The following CNTNAP2 variants were observed in gnomAD, a reference collection of about 807,000 sequenced individuals.
CNTNAP2 encodes contactin associated protein 2, also known as contactin-associated protein-like 2.
Under a neutral mutation model 155.2 loss-of-function variants are expected in CNTNAP2, and 98 were observed. The observed-to-expected ratio is 0.63, with a 90% CI of 0.54 to 0.75. The LOEUF is 0.75. CNTNAP2 is among the 30% of genes least tolerant of loss of function. The probability of loss-of-function intolerance (pLI) is 0.00; values close to 1 mark genes in which losing one functional copy is unlikely to be tolerated. For synonymous variants in CNTNAP2, 651 were observed against 631.2 expected, an observed-to-expected ratio of 1.03 and a Z score of -0.47; for missense variants, 1,727 against 1,688.1, an observed-to-expected ratio of 1.02 and a Z score of -0.40.
At chr7:146,561,017 T>G (rs1314701852) in intron 1 of CNTNAP2, among the ~76,000 whole-genome samples, 1 of 152,174 alleles carries the variant, frequency 6.6e-6, no homozygotes, top group Non-Finnish European at 1.5e-5. Context: ...ACAACTCTAG[T>G]GTCAATTATA....
In CNTNAP2 at chr7:148,320,664, G is replaced by A. The variant is rs187374134; in HGVS notation, c.3475+53538G>A. Reference sequence around the variant, plus strand: ...CTTCCAAAGTGCTGGGATTACAGGCGTGAGCCACCACACCCAGCCAACAAA... The same window carrying A: ...CTTCCAAAGTGCTGGGATTACAGGCATGAGCCACCACACCCAGCCAACAAA... On this transcript the variant is annotated intron_variant, in intron 21 of 23. Coordinates refer to ENST00000361727, the MANE Select transcript of CNTNAP2 (RefSeq NM_014141.6). 1.9e-3 allele frequency among the ~76,000 whole-genome samples: 282 copies of A among 152,142 alleles called. 2 individuals carry two copies. Among genetic ancestry groups the A allele is most frequent in the Non-Finnish European group, 2.8e-3 (193 of 68,024 alleles).
intron 3 of CNTNAP2, among the ~76,000 whole-genome samples, chr7:146,928,750 G>A (rs904990181): frequency 6.6e-5 from 10 of 152,150 alleles, no homozygotes; most frequent in East Asian, 5.8e-4. Flanking sequence ...GTGCTTTTCC[G>A]ACAGGCTTAA....
intron 22 of CNTNAP2, among the ~76,000 whole-genome samples, chr7:148,400,370 T>A (rs1211907177): frequency 1.3e-5 from 2 of 152,216 alleles, no homozygotes; most frequent in African/African-American, 4.8e-5. Context: ...TCCCCTAGAT[T>A]TGGGGCTTCT....
At chr7:146,352,899 CA>C (rs1160611415) in intron 1 of CNTNAP2, among the ~76,000 whole-genome samples, 2 of 150,776 alleles carry the variant, frequency 1.3e-5, no homozygotes, top group Admixed American at 6.6e-5. Flanking sequence ...GGACTACAGG[CA>C]CCCGCCACCA....
chr7:146,476,731 G>T (rs1180060052), intron 1 of CNTNAP2, among the ~76,000 whole-genome samples: 2 of 152,050 alleles, frequency 1.3e-5, no homozygotes, highest in African/African-American at 4.8e-5. Flanking sequence ...AATAAACATT[G>T]AGACAAGTAG....
intron 18 of CNTNAP2, among the ~76,000 whole-genome samples, chr7:148,216,931 C>T (rs1275319479): frequency 6.6e-6 from 1 of 152,148 alleles, no homozygotes; most frequent in Non-Finnish European, 1.5e-5. Context: ...CTCTTGCCTG[C>T]CGCCATGTAA....
At position 147,624,343 on chromosome 7, in the gene CNTNAP2, T is replaced by A. The variant is rs958776426; in HGVS notation, c.1898-14763T>A. 5.3e-5 allele frequency among the ~76,000 whole-genome samples: 8 copies of A among 152,166 alleles called. No individual in the cohort carries two copies. The South Asian group carries it at 1.4e-3, about 28-fold the overall frequency. On this transcript the variant is annotated intron_variant, in intron 12 of 23. Coordinates refer to ENST00000361727, the MANE Select transcript of CNTNAP2 (RefSeq NM_014141.6). Reference sequence around the variant, plus strand: ...ACCCCACATAATGGGAGAAAATATTTGCAAACTACCCATCTGAGATGGTGT... The same window carrying A: ...ACCCCACATAATGGGAGAAAATATTAGCAAACTACCCATCTGAGATGGTGT...
intron 1 of CNTNAP2, among the ~76,000 whole-genome samples, chr7:146,120,934 G>A (rs1253814417): frequency 6.6e-6 from 1 of 151,960 alleles, no homozygotes; most frequent in Non-Finnish European, 1.5e-5. Flanking sequence ...ATTGCCTAAG[G>A]ATACATTTCT....
chr7:146,258,997 A>T (rs1246425677), intron 1 of CNTNAP2, among the ~76,000 whole-genome samples: 1 of 152,034 alleles, frequency 6.6e-6, no homozygotes, highest in East Asian at 1.9e-4. Flanking sequence ...AGGTTATTGG[A>T]TCTTGGAGGT....
chr7:148,173,268 G>C (rs573758752), intron 18 of CNTNAP2, among the ~76,000 whole-genome samples: 1 of 152,286 alleles, frequency 6.6e-6, no homozygotes, highest in South Asian at 2.1e-4. Context: ...ATAAATGAGG[G>C]ATGAAGAGAG....
chr7:147,929,760 G>A (rs996471718), intron 14 of CNTNAP2, among the ~76,000 whole-genome samples: 1 of 152,110 alleles, frequency 6.6e-6, no homozygotes, highest in Non-Finnish European at 1.5e-5. Flanking sequence ...AATACATACA[G>A]AGCAGTGTTC....
chr7:147,983,760 AG>A (rs1401604283), intron 15 of CNTNAP2, among the ~76,000 whole-genome samples: 4 of 152,358 alleles, frequency 2.6e-5, no homozygotes, highest in Non-Finnish European at 5.9e-5. Context: ...ATTGATAGAA[AG>A]GAGCATCTGG....
intron 10 of CNTNAP2, among the ~76,000 whole-genome samples, chr7:147,404,111 A>G (rs1796963312): frequency 6.6e-6 from 1 of 152,168 alleles, no homozygotes; most frequent in South Asian, 2.1e-4. Flanking sequence ...TTCTGGAAAT[A>G]CCTTACTTTC....
At chr7:146,721,873 G>GTGTGTGTGTGTA (rs1563204273) in intron 1 of CNTNAP2, among the ~76,000 whole-genome samples, 3 of 86,090 alleles carry the variant, frequency 3.5e-5, no homozygotes, top group African/African-American at 1.4e-4. Context: ...GTGTGTGTGT[G>GTGTGTGTGTGTA]TGTATATATA....
At chr7:146,998,987 T>G (rs1309951555) in intron 3 of CNTNAP2, among the ~76,000 whole-genome samples, 1 of 151,970 alleles carries the variant, frequency 6.6e-6, no homozygotes, top group Admixed American at 6.6e-5. Context: ...GAGAATTTTT[T>G]TATTATTTAT....
intron 12 of CNTNAP2, among the ~76,000 whole-genome samples, chr7:147,564,344 A>G (rs1281062877): frequency 1.3e-5 from 2 of 152,180 alleles, no homozygotes; most frequent in Non-Finnish European, 2.9e-5. Context: ...AGATTAATCT[A>G]AGAGTTCACT....
chr7:146,614,356 A>G (rs565376186), intron 1 of CNTNAP2, among the ~76,000 whole-genome samples: 2 of 152,232 alleles, frequency 1.3e-5, no homozygotes, highest in East Asian at 1.9e-4. Context: ...TTAGTAAACT[A>G]TCAATTATAC....
intron 1 of CNTNAP2, among the ~76,000 whole-genome samples, chr7:146,581,078 C>T (rs1798604643): frequency 6.6e-6 from 1 of 152,068 alleles, no homozygotes; most frequent in Admixed American, 6.6e-5. Context: ...AACTTTAAAC[C>T]TTTCAAGGAA....
intron 1 of CNTNAP2, among the ~76,000 whole-genome samples, chr7:146,135,865 T>G (rs1272407682): frequency 6.6e-6 from 1 of 152,056 alleles, no homozygotes; most frequent in African/African-American, 2.4e-5. Flanking sequence ...AAAAAATGCT[T>G]GTCTCTCTAT....
Sources: allele counts gnomAD v4.1 joint callset (sites outside exome capture counted in the v4.1 genomes callset), GRCh38; gene constraint gnomAD v4.1.1; transcripts MANE v1.5; gene names NCBI Gene and HGNC (gene_info 2026-07-23, HGNC 2026-07-21).